The following ARHGEF10L variants were observed in gnomAD, a reference collection of about 807,000 sequenced individuals.
ARHGEF10L encodes Rho guanine nucleotide exchange factor 10 like.
A neutral mutation model predicts 141.2 loss-of-function variants in ARHGEF10L; 69 were observed. That is an observed-to-expected ratio of 0.49 (90% CI 0.40 to 0.60). The LOEUF is 0.60. Among genes scored for constraint, ARHGEF10L ranks in the 20% least tolerant of loss-of-function variants. ARHGEF10L has a pLI of 0.00. For missense variants in ARHGEF10L, 1,482 were observed against 1,734.3 expected (o/e 0.85, Z 2.58); for synonymous variants, 711 against 718.5 (o/e 0.99, Z 0.17).
chr1:17,570,486 A>G (rs375290642), intron 1 of ARHGEF10L, among the ~76,000 whole-genome samples: 1 of 151,504 alleles, frequency 6.6e-6, no homozygotes, highest in East Asian at 2.0e-4. Context: ...GGGAGCTGGA[A>G]GGTGGTGGTG....
chr1:17,626,968 G>A (rs990909502), intron 14 of ARHGEF10L, among the ~76,000 whole-genome samples: 4 of 152,218 alleles, frequency 2.6e-5, no homozygotes, highest in East Asian at 1.9e-4. Context: ...TGAATAATAC[G>A]CCATTGTATG....
rs774626125 is a variant in ARHGEF10L, at chr1:17,624,399, A to G, written c.1213A>G (p.Met405Val). 4.3e-6 allele frequency: 7 copies of G among 1,613,812 alleles called. No individual in the cohort carries two copies. Among genetic ancestry groups the G allele is most frequent in the African/African-American group, 4.0e-5 (3 of 74,896 alleles). The change falls in exon 13 of 29, where the codon ATG becomes GTG. Residue 405 changes from methionine to valine, a missense_variant. Met to Val is a conservative substitution (Grantham distance 21, BLOSUM62 1). Around this residue, in one of 3 missense-constraint regions of ARHGEF10L, gnomAD observed 392 missense variants for 542.1 expected, o/e 0.72. Transcript: ENST00000361221. ...TGCCTTGTTTCAGTTTTCCAAGTCC[A>G]TGGTGCTAGATGTGTACAGTGACTA... is the stretch of plus-strand genomic sequence containing the variant. ...DLFVASFSKSMVLDVYSDYVN... is the reference protein window; with the variant it reads ...DLFVASFSKSVVLDVYSDYVN...
Position 17,695,275 on chromosome 1 carries a change from T to C in ARHGEF10L, c.3302T>C (p.Ile1101Thr), listed in dbSNP as rs1467605814. The change falls in exon 28 of 29, where the codon ATC (isoleucine) becomes ACC (threonine). Residue 1101 changes from isoleucine to threonine, a missense_variant. Around this residue, in one of 3 missense-constraint regions of ARHGEF10L, gnomAD observed 858 missense variants for 966.3 expected, o/e 0.89. Coordinates refer to ENST00000361221, the MANE Select transcript of ARHGEF10L (RefSeq NM_018125.4). ...PVPRLEGIPK[I>T]TGKGMVSLNG... is the part of the protein sequence containing the mutation. Reference sequence around the variant, plus strand: ...CCTCGGCTGGAAGGCATCCCCAAGATCACAGGTGAGGCTTTGGGAGCTGGT... The same window carrying C: ...CCTCGGCTGGAAGGCATCCCCAAGACCACAGGTGAGGCTTTGGGAGCTGGT... The C allele has an allele frequency of 1.3e-6, 2 of 1,583,238 alleles. No individual in the cohort carries two copies. The highest frequency in any genetic ancestry group is 2.2e-5 in the East Asian group (1 of 44,702).
chr1:17,532,077 C>T, the ARHGEF10L span, among the ~76,000 whole-genome samples: 1 of 152,214 alleles, frequency 6.6e-6, no homozygotes, highest in Non-Finnish European at 1.5e-5. Context: ...CTCCTGAGAA[C>T]CTCTTGTCCT....
At chr1:17,679,038 G>A (rs1392960855) in intron 26 of ARHGEF10L, among the ~76,000 whole-genome samples, 3 of 152,168 alleles carry the variant, frequency 2.0e-5, no homozygotes, top group Admixed American at 1.3e-4. Context: ...AGGAAATTTG[G>A]GGTCTGGCCA....
At chr1:17,562,243 C>T (rs909136387) in intron 1 of ARHGEF10L, among the ~76,000 whole-genome samples, 5 of 152,118 alleles carry the variant, frequency 3.3e-5, no homozygotes, top group South Asian at 2.1e-4. Context: ...GATGAGACCC[C>T]GTCTCTACGA....
chr1:17,628,481 C>G (rs2060502430), intron 15 of ARHGEF10L, among the ~76,000 whole-genome samples: 1 of 152,214 alleles, frequency 6.6e-6, no homozygotes, highest in South Asian at 2.1e-4. Flanking sequence ...CTGCCTGGCT[C>G]TGTGCTGGGG....
At chr1:17,521,010 TC>T in the ARHGEF10L span, among the ~76,000 whole-genome samples, 1 of 152,188 alleles carries the variant, frequency 6.6e-6, no homozygotes, top group Non-Finnish European at 1.5e-5. Context: ...CTCGGCTCTC[TC>T]CCATGCCATC....
In ARHGEF10L at chr1:17,697,700, C is replaced by A; in HGVS notation, c.*320C>A. The A allele has an allele frequency of 1.9e-6, 1 of 534,040 alleles. No homozygotes were observed. The highest frequency in any genetic ancestry group is 3.6e-6 in the Non-Finnish European group (1 of 277,956). 33.1% of individuals were successfully genotyped at this position (534,040 alleles called of 1,614,324 possible). On this transcript the variant is annotated 3_prime_UTR_variant, in exon 29 of 29. Coordinates refer to ENST00000361221, the MANE Select transcript of ARHGEF10L (RefSeq NM_018125.4). This position sits in a 1 kb window ranked among gnomAD's most constrained non-coding sequence, Gnocchi z 4.8. ...CCCTAGCGGGACTCCAAGGCAGCCA[C>A]ACGCCCCTCCTGGAAGGGTGTGTGC...
intron 22 of ARHGEF10L, among the ~76,000 whole-genome samples, chr1:17,649,881 A>AACCCAC (rs2061814166): frequency 6.6e-6 from 1 of 152,128 alleles, no homozygotes; most frequent in African/African-American, 2.4e-5. Context: ...GTGCAGCAGA[A>AACCCAC]ACAGTGGGGG....
chr1:17,647,357 T>C (rs2061664988), intron 21 of ARHGEF10L, among the ~76,000 whole-genome samples: 1 of 152,184 alleles, frequency 6.6e-6, no homozygotes. Flanking sequence ...AGCCAGGGCA[T>C]AGACGGCGGC....
chr1:17,681,393 G>C (rs971917695), intron 26 of ARHGEF10L, among the ~76,000 whole-genome samples: 2 of 152,224 alleles, frequency 1.3e-5, no homozygotes, highest in Non-Finnish European at 2.9e-5. Flanking sequence ...ATCTTTCAGA[G>C]CTACTCCCCC....
At chr1:17,602,371 C>A (rs922461502) in intron 5 of ARHGEF10L, among the ~76,000 whole-genome samples, 153 bp downstream of exon 5, 8 of 152,224 alleles carry the variant, frequency 5.3e-5, no homozygotes, top group African/African-American at 1.9e-4. Context: ...AACCACCGCC[C>A]CCAAGAGCCA....
In ARHGEF10L at chr1:17,607,732, G is replaced by GCCCAGCCTTTTA; in HGVS notation, c.434-70_434-69insCCCAGCCTTTTA. 7.2e-7 allele frequency: 1 copy of GCCCAGCCTTTTA among 1,393,176 alleles called. No individual in the cohort carries two copies. Among genetic ancestry groups the GCCCAGCCTTTTA allele is most frequent in the Non-Finnish European group, 9.3e-7 (1 of 1,069,976 alleles). 86.3% of individuals were successfully genotyped at this position (1,393,176 alleles called of 1,614,324 possible). ...TCGCCCCACCTGGGTTCAGAAATTG[G>GCCCAGCCTTTTA]GTCTGAGGCTGGAAGTCTGGTAGGC... On this transcript the variant is annotated intron_variant, in intron 6 of 28. Coordinates refer to ENST00000361221, the MANE Select transcript of ARHGEF10L (RefSeq NM_018125.4). The surrounding 1 kb of genome is among the most constrained non-coding windows in gnomAD (Gnocchi z 4.5).
rs546862166 is a variant in ARHGEF10L, at chr1:17,621,820, C to A, written c.943-44C>A. On this transcript the variant is annotated intron_variant, in intron 10 of 28. Coordinates refer to ENST00000361221, the MANE Select transcript of ARHGEF10L (RefSeq NM_018125.4). This position sits in a 1 kb window ranked among gnomAD's most constrained non-coding sequence, Gnocchi z 4.1. ...CCCTTCCTGTCACTTGGGCCCTGTG[C>A]AGCAGGTGTCATGTGCGCTGACCGT... The A allele has an allele frequency of 7.5e-7, 1 of 1,331,716 alleles. No homozygotes were observed. The highest frequency in any genetic ancestry group is 1.0e-6 in the Non-Finnish European group (1 of 956,822). The allele number at this position is 1,331,716 out of a possible 1,614,324, so 82.5% of individuals were successfully genotyped here. A position where few individuals can be genotyped will look rare whatever the true frequency, so the allele number is the denominator to read the frequency against.
intron 15 of ARHGEF10L, among the ~76,000 whole-genome samples, chr1:17,628,064 G>A (rs569362609): frequency 1.2e-3 from 180 of 152,128 alleles, no homozygotes; most frequent in African/African-American, 4.1e-3. Flanking sequence ...TGGGCTGGGC[G>A]TGGTAGCTCA....
rs1187578345 is a variant in ARHGEF10L, at chr1:17,625,665, G to A, written c.1318-291G>A. Among the ~76,000 whole-genome samples, 4 of 152,202 alleles carry A rather than the reference G, an allele frequency of 2.6e-5. No homozygotes were observed. Among genetic ancestry groups the A allele is most frequent in the Non-Finnish European group, 4.4e-5 (3 of 68,040 alleles). On this transcript the variant is annotated intron_variant, in intron 13 of 28. Coordinates refer to ENST00000361221, the MANE Select transcript of ARHGEF10L (RefSeq NM_018125.4). This position sits in a 1 kb window ranked among gnomAD's most constrained non-coding sequence, Gnocchi z 4.5. Reference sequence around the variant, plus strand: ...ATGGTTGCCTTGGCCACTTCTAGAAGTCTGACATCTTGAATAAATTGCTGA... The same window carrying A: ...ATGGTTGCCTTGGCCACTTCTAGAAATCTGACATCTTGAATAAATTGCTGA...
intron 1 of ARHGEF10L, among the ~76,000 whole-genome samples, chr1:17,575,509 C>T (rs985896857): frequency 6.6e-6 from 1 of 152,170 alleles, no homozygotes; most frequent in Non-Finnish European, 1.5e-5. Context: ...TCAAACAGGT[C>T]AGGTGGCATG....
intron 27 of ARHGEF10L, among the ~76,000 whole-genome samples, chr1:17,688,346 G>A (rs536205193): frequency 1.8e-4 from 28 of 152,178 alleles, no homozygotes; most frequent in Non-Finnish European, 3.4e-4. Context: ...CTCACCAAAT[G>A]CCCCCCAAGG....
Sources: allele counts gnomAD v4.1 joint callset (sites outside exome capture counted in the v4.1 genomes callset), GRCh38; gene constraint gnomAD v4.1.1; regional missense constraint gnomAD v4.1.1; non-coding constraint Gnocchi (gnomAD v3.1); transcripts MANE v1.5; gene names NCBI Gene and HGNC (gene_info 2026-07-23, HGNC 2026-07-21).